Variants in PDE4B observed in about 807,000 individuals in gnomAD.
PDE4B encodes phosphodiesterase 4B.
Under a neutral mutation model 82.2 loss-of-function variants are expected in PDE4B, and 20 were observed. The observed-to-expected ratio is 0.24, with a 90% CI of 0.17 to 0.35. The LOEUF is 0.35. PDE4B is among the 10% of genes least tolerant of loss of function. The pLI is 1.00. For missense variants in PDE4B, 655 were observed against 907.2 expected (o/e 0.72, Z 3.57); for synonymous variants, 320 against 318.9 (o/e 1.00, Z -0.04).
intron 1 of PDE4B, among the ~76,000 whole-genome samples, chr1:65,864,169 T>C (rs1260690320): frequency 1.3e-5 from 2 of 151,938 alleles, no homozygotes; most frequent in Non-Finnish European, 2.9e-5. Flanking sequence ...GATACTTGTG[T>C]ATGCTTCACG....
intron 6 of PDE4B, among the ~76,000 whole-genome samples, chr1:66,264,242 G>A (rs896879055): frequency 6.6e-6 from 1 of 152,226 alleles, no homozygotes; most frequent in African/African-American, 2.4e-5. Flanking sequence ...GTTGGGGCTA[G>A]AGAGCAAAGA....
At position 66,183,434 on chromosome 1, in the gene PDE4B, C is replaced by T. The variant is rs140241360; in HGVS notation, c.282-64026C>T. Among the ~76,000 whole-genome samples the T allele has an allele frequency of 2.2e-3, 328 of 152,230 alleles. 3 individuals carry two copies. Among genetic ancestry groups the T allele is most frequent in the African/African-American group, 7.4e-3 (309 of 41,546 alleles). On this transcript the variant is annotated intron_variant, in intron 3 of 16. Transcript: ENST00000341517. Reference sequence around the variant, plus strand: ...ATTTTTCATCTGCTGGGCAATTTGGCTGCTGGGAGCAAAAGAATGTTCTCC... The same window carrying T: ...ATTTTTCATCTGCTGGGCAATTTGGTTGCTGGGAGCAAAAGAATGTTCTCC...
At chr1:66,164,569 AAGAAAG>A (rs1172029350) in intron 3 of PDE4B, among the ~76,000 whole-genome samples, 1 of 145,662 alleles carries the variant, frequency 6.9e-6, no homozygotes, top group African/African-American at 2.5e-5. Context: ...AAAAGAAAGA[AAGAAAG>A]AAAAAGAAAG....
intron 1 of PDE4B, among the ~76,000 whole-genome samples, chr1:65,856,375 C>T (rs1446863302): frequency 6.6e-6 from 1 of 152,032 alleles, no homozygotes; most frequent in East Asian, 1.9e-4. Context: ...ATGTTCCCCT[C>T]CCTATGTCCA....
chr1:66,221,895 CT>C (rs68051259), intron 3 of PDE4B, among the ~76,000 whole-genome samples: 2 of 113,380 alleles, frequency 1.8e-5, no homozygotes, highest in African/African-American at 5.4e-5. Flanking sequence ...AGTGTATTGA[CT>C]TTTTTTTTTT....
chr1:66,306,558 G>A (rs1186169760), intron 7 of PDE4B, among the ~76,000 whole-genome samples: 6 of 152,152 alleles, frequency 3.9e-5, no homozygotes, highest in African/African-American at 1.4e-4. Flanking sequence ...TTAAATCAAC[G>A]TGACTGGGAG....
intron 1 of PDE4B, among the ~76,000 whole-genome samples, chr1:65,881,129 C>G (rs1011077874): frequency 6.6e-6 from 1 of 152,156 alleles, no homozygotes; most frequent in Non-Finnish European, 1.5e-5. Flanking sequence ...TAAAATGTCC[C>G]TTCATTCAGT....
chr1:66,283,081 G>A (rs763830671), intron 7 of PDE4B, among the ~76,000 whole-genome samples: 5 of 152,122 alleles, frequency 3.3e-5, no homozygotes, highest in Non-Finnish European at 7.4e-5. Context: ...AAAAAGGAAG[G>A]GGACATGGTG....
At chr1:65,956,147 A>G (rs1302975106) in intron 3 of PDE4B, among the ~76,000 whole-genome samples, 1 of 152,156 alleles carries the variant, frequency 6.6e-6, no homozygotes, top group Non-Finnish European at 1.5e-5. Context: ...AACCTGAAGC[A>G]GTAACCTATA....
At chr1:65,888,817 AATTT>A (rs1235642315) in intron 1 of PDE4B, among the ~76,000 whole-genome samples, 7 of 152,056 alleles carry the variant, frequency 4.6e-5, no homozygotes, top group African/African-American at 1.7e-4. Context: ...AACTTTACTG[AATTT>A]ATTAATTTAT....
At position 66,172,959 on chromosome 1, in the gene PDE4B, A is replaced by G. The variant is rs1646865397; in HGVS notation, c.282-74501A>G. Among the ~76,000 whole-genome samples the G allele has an allele frequency of 2.6e-5, 4 of 152,212 alleles. No homozygotes were observed. In the South Asian group the frequency reaches 8.3e-4, roughly 32 times the overall value. ...ACCAGGTACTGTGCTGGCTTCTGGA[A>G]TCTGAAGTTGTATAATTATCAGATA... On this transcript the variant is annotated intron_variant, in intron 3 of 16. Coordinates refer to ENST00000341517, the MANE Select transcript of PDE4B (RefSeq NM_002600.4).
At chr1:66,185,821 C>A (rs1462459655) in intron 3 of PDE4B, among the ~76,000 whole-genome samples, 2 of 151,806 alleles carry the variant, frequency 1.3e-5, no homozygotes, top group Non-Finnish European at 2.9e-5. Context: ...TTTTGCTGTG[C>A]AGAGGCTCTT....
chr1:66,009,366 G>C (rs1219095008), intron 3 of PDE4B, among the ~76,000 whole-genome samples: 1 of 152,050 alleles, frequency 6.6e-6, no homozygotes, highest in African/African-American at 2.4e-5. Context: ...CATCTTACTG[G>C]ATCTCCCTTC....
intron 3 of PDE4B, among the ~76,000 whole-genome samples, chr1:66,129,499 T>A (rs1645890278): frequency 6.7e-6 from 1 of 149,414 alleles, no homozygotes. Flanking sequence ...CTACTAAAAA[T>A]ACAAAAAAAA....
intron 3 of PDE4B, among the ~76,000 whole-genome samples, chr1:66,001,072 G>A (rs989000625): frequency 3.9e-5 from 6 of 152,072 alleles, no homozygotes; most frequent in African/African-American, 1.2e-4. Context: ...AAAGAAATCT[G>A]TTTAGTTGTG....
intron 7 of PDE4B, among the ~76,000 whole-genome samples, chr1:66,277,012 A>G (rs1655925283): frequency 6.6e-6 from 1 of 152,234 alleles, no homozygotes; most frequent in African/African-American, 2.4e-5. Flanking sequence ...TATCATTATC[A>G]TCATTATCAT....
rs574452628 is a variant in PDE4B, at chr1:65,870,843, C to T, written c.-70-42402C>T. Among the ~76,000 whole-genome samples the T allele has an allele frequency of 3.9e-5, 6 of 152,248 alleles. No homozygotes were observed. In the East Asian group the frequency reaches 1.2e-3, roughly 29 times the overall value. On this transcript the variant is annotated intron_variant, in intron 1 of 16. Coordinates refer to ENST00000341517, the MANE Select transcript of PDE4B (RefSeq NM_002600.4). ...GAGTATAGTAATAGATAGCAACATG[C>T]TGTGACTTAGGTAGGTCCAGGTAAT...
At chr1:65,842,238 G>A (rs1045199924) in intron 1 of PDE4B, among the ~76,000 whole-genome samples, 1 of 152,118 alleles carries the variant, frequency 6.6e-6, no homozygotes, top group Non-Finnish European at 1.5e-5. Context: ...TAAATACTAT[G>A]TATGGTCTCT....
intron 3 of PDE4B, among the ~76,000 whole-genome samples, chr1:66,042,246 GC>G (rs1230817837): frequency 6.6e-6 from 1 of 151,722 alleles, no homozygotes; most frequent in Non-Finnish European, 1.5e-5. Flanking sequence ...AACATTTTCA[GC>G]CCCAAGATAG....
Sources: allele counts gnomAD v4.1 joint callset (sites outside exome capture counted in the v4.1 genomes callset), GRCh38; gene constraint gnomAD v4.1.1; transcripts MANE v1.5; gene names NCBI Gene and HGNC (gene_info 2026-07-23, HGNC 2026-07-21).